Variants in MAN1C1 observed in about 807,000 individuals in gnomAD.
The protein encoded by MAN1C1 is mannosyl-oligosaccharide 1,2-alpha-mannosidase IC.
MAN1C1 carries 49 observed loss-of-function variants against 71.5 expected under a neutral mutation model. That is an observed-to-expected ratio of 0.69 (90% CI 0.54 to 0.87). The LOEUF (loss-of-function observed/expected upper bound fraction) is 0.87. Ranked by LOEUF, MAN1C1 falls within the 40% of genes least tolerant of loss-of-function variation. The pLI is 0.00. For missense variants in MAN1C1, 743 were observed against 835.0 expected, an observed-to-expected ratio of 0.89 and a Z score of 1.36; for synonymous variants, 352 against 343.7, an observed-to-expected ratio of 1.02 and a Z score of -0.27.
At chr1:25,681,580 G>A (rs893553007) in intron 1 of MAN1C1, among the ~76,000 whole-genome samples, 2 of 152,160 alleles carry the variant, frequency 1.3e-5, no homozygotes, top group Admixed American at 1.3e-4. Context: ...ACCAGCTGAG[G>A]ACCCACCTCG....
At chr1:25,690,838 A>G (rs1177841701) in intron 2 of MAN1C1, among the ~76,000 whole-genome samples, 6 of 152,178 alleles carry the variant, frequency 3.9e-5, no homozygotes, top group African/African-American at 1.2e-4. Context: ...GGGTGCTATT[A>G]TTGCCATTAT....
chr1:25,647,337 G>A (rs371774741), intron 1 of MAN1C1, among the ~76,000 whole-genome samples: 27 of 152,192 alleles, frequency 1.8e-4, no homozygotes, highest in African/African-American at 5.5e-4. Flanking sequence ...TGTTCCAGGT[G>A]GTGCCTGTGG....
chr1:25,642,634 A>G (rs1418628731), intron 1 of MAN1C1, among the ~76,000 whole-genome samples: 1 of 152,242 alleles, frequency 6.6e-6, no homozygotes, highest in Non-Finnish European at 1.5e-5. Context: ...AATCTGCCCC[A>G]ACTATTTCTA....
Position 25,711,618 on chromosome 1 carries a change from T to C in MAN1C1, c.637+25082T>C, listed in dbSNP as rs1386609030. 6.6e-6 allele frequency among the ~76,000 whole-genome samples: 1 copy of C among 152,220 alleles called. No individual in the cohort carries two copies. Among genetic ancestry groups the C allele is most frequent in the Non-Finnish European group, 1.5e-5 (1 of 68,048 alleles). On this transcript the variant is annotated intron_variant, in intron 2 of 11. Transcript: ENST00000374332. The surrounding 1 kb of genome is among the most constrained non-coding windows in gnomAD (Gnocchi z 4.3). Reference sequence around the variant, plus strand: ...TCATTCTGCATGTATTGAGCACCACTGTGTGCCAGGCCCTGCTCCCTGCGG... The same window carrying C: ...TCATTCTGCATGTATTGAGCACCACCGTGTGCCAGGCCCTGCTCCCTGCGG...
intron 1 of MAN1C1, among the ~76,000 whole-genome samples, chr1:25,653,870 C>T (rs2045726501): frequency 6.6e-6 from 1 of 152,138 alleles, no homozygotes; most frequent in African/African-American, 2.4e-5. Context: ...GTTTTGCTCC[C>T]CCAGGGGAGT....
rs1257172914 is a variant in MAN1C1, at chr1:25,631,995, C to A, written c.540+13658C>A. On this transcript the variant is annotated intron_variant, in intron 1 of 11. Coordinates refer to ENST00000374332, the MANE Select transcript of MAN1C1 (RefSeq NM_020379.4). This position sits in a 1 kb window ranked among gnomAD's most constrained non-coding sequence, Gnocchi z 4.2. ...CATGTTGGCTAGGCTGGTCTTGAAT[C>A]CTGAACTCCTGACCTCAAGCGATCC... Among the ~76,000 whole-genome samples, 3 of 152,072 alleles carry A rather than the reference C, an allele frequency of 2.0e-5. No individual in the cohort carries two copies. Among genetic ancestry groups the A allele is most frequent in the Admixed American group, 1.3e-4 (2 of 15,252 alleles).
rs1262068889 is a variant in MAN1C1 at position 25,778,491 on chromosome 1, C to A, written c.1477+167C>A. 2.6e-5 allele frequency among the ~76,000 whole-genome samples: 4 copies of A among 152,178 alleles called. No individual in the cohort carries two copies. Among genetic ancestry groups the A allele is most frequent in the Non-Finnish European group, 4.4e-5 (3 of 68,030 alleles). On this transcript the variant is annotated intron_variant, in intron 9 of 11. Coordinates refer to ENST00000374332, the MANE Select transcript of MAN1C1 (RefSeq NM_020379.4). This position sits in a 1 kb window ranked among gnomAD's most constrained non-coding sequence, Gnocchi z 5.5. ...GTACTCTCCAGGCTCCGAGACCATA[C>A]CCTGAATGAAAGGGAAACTAGTACA...
chr1:25,722,710 G>A (rs2046782796), intron 2 of MAN1C1, among the ~76,000 whole-genome samples: 1 of 152,118 alleles, frequency 6.6e-6, no homozygotes, highest in Non-Finnish European at 1.5e-5. Context: ...TCCTGTTTGT[G>A]TATTTGTCCA....
chr1:25,755,577 C>T (rs533958071), intron 5 of MAN1C1, among the ~76,000 whole-genome samples: 1 of 152,314 alleles, frequency 6.6e-6, no homozygotes, highest in African/African-American at 2.4e-5. Context: ...CACGTGAGCA[C>T]GTGACATGGA....
rs55800058 is a variant in MAN1C1, at chr1:25,764,473, C to T, written c.1141+506C>T. The stretch of plus-strand genomic sequence containing the variant: ...TGTCACCCAGGCCGGAGTGCAGTGG[C>T]ACGATCTCGGCTCACTGCAACCTCT... On this transcript the variant is annotated intron_variant, in intron 7 of 11. Coordinates refer to ENST00000374332, the MANE Select transcript of MAN1C1 (RefSeq NM_020379.4). The surrounding 1 kb of genome is among the most constrained non-coding windows in gnomAD (Gnocchi z 4.4). Among the ~76,000 whole-genome samples, 1,633 of 152,064 alleles carry T rather than the reference C, an allele frequency of 0.011. 32 individuals carry two copies. The highest frequency in any genetic ancestry group is 0.036 in the African/African-American group (1,478 of 41,476).
chr1:25,654,372 G>A (rs1322555322), intron 1 of MAN1C1: 2 of 152,326 alleles, frequency 1.3e-5, no homozygotes, highest in African/African-American at 2.4e-5. Context: ...AAAGGGTAAG[G>A]CTTTACAAAA....
intron 5 of MAN1C1, among the ~76,000 whole-genome samples, chr1:25,755,590 G>A (rs2047275255): frequency 6.6e-6 from 1 of 152,216 alleles, no homozygotes; most frequent in African/African-American, 2.4e-5. Flanking sequence ...GACATGGATT[G>A]TCTTTTCAAC....
chr1:25,653,786 C>A (rs1324892713), intron 1 of MAN1C1, among the ~76,000 whole-genome samples: 1 of 152,170 alleles, frequency 6.6e-6, no homozygotes, highest in African/African-American at 2.4e-5. Flanking sequence ...GAGGGCAGAG[C>A]AGGGCCAGGT....
chr1:25,766,783 G>C (rs571919370), intron 7 of MAN1C1, among the ~76,000 whole-genome samples: 123 of 152,218 alleles, frequency 8.1e-4, no homozygotes, highest in Non-Finnish European at 1.4e-3. Context: ...CTTGTCCACT[G>C]CCTGAATCCC....
At chr1:25,777,897 C>G (rs2047639637) in intron 8 of MAN1C1, among the ~76,000 whole-genome samples, 1 of 152,204 alleles carries the variant, frequency 6.6e-6, no homozygotes, top group African/African-American at 2.4e-5. Flanking sequence ...TGCCCTGTGT[C>G]TGAGCCTCCC....
intron 1 of MAN1C1, 52 bp from the exon 2 acceptor site, chr1:25,686,388 A>G (rs2046231095): frequency 1.3e-6 from 2 of 1,503,562 alleles, no homozygotes; most frequent in African/African-American, 2.7e-5. Flanking sequence ...GCCAGTGCGC[A>G]CTGCCAGGAA....
intron 2 of MAN1C1, among the ~76,000 whole-genome samples, chr1:25,732,213 G>A (rs1013471235): frequency 1.3e-5 from 2 of 152,096 alleles, no homozygotes; most frequent in Non-Finnish European, 2.9e-5. Context: ...TGGGAGATAG[G>A]GTCAGGCTAA....
intron 1 of MAN1C1, among the ~76,000 whole-genome samples, chr1:25,650,358 C>T (rs142412743): frequency 3.5e-4 from 54 of 152,316 alleles, no homozygotes; most frequent in Non-Finnish European, 6.6e-4. Context: ...CTGAGGAAAT[C>T]GTACCAGCAA....
chr1:25,666,104 A>G (rs2045920719), intron 1 of MAN1C1, among the ~76,000 whole-genome samples: 2 of 152,144 alleles, frequency 1.3e-5, no homozygotes, highest in African/African-American at 4.8e-5. Flanking sequence ...CTCTAATCAA[A>G]TAGCTGTTTA....
Sources: gnomAD v4.1 joint callset for allele counts (sites outside exome capture counted in the v4.1 genomes callset) on GRCh38, gnomAD v4.1.1 for gene constraint, Gnocchi (gnomAD v3.1) non-coding constraint, MANE v1.5 for transcripts, NCBI Gene and HGNC (gene_info 2026-07-23, HGNC 2026-07-21) for gene names.